The following ARHGEF28 variants were observed in gnomAD, a reference collection of about 807,000 sequenced individuals.
The protein encoded by ARHGEF28 is Rho guanine nucleotide exchange factor 28.
Under a neutral mutation model 206.6 loss-of-function variants are expected in ARHGEF28, and 152 were observed. The ratio of observed to expected loss-of-function variants is 0.74; its 90% CI spans 0.64 to 0.84. The LOEUF is 0.84. Among genes scored for constraint, ARHGEF28 ranks in the 40% least tolerant of loss-of-function variants. The pLI, the probability that ARHGEF28 is intolerant of heterozygous loss-of-function variation, is 0.00. For synonymous variants in ARHGEF28, 763 were observed against 776.4 expected, an observed-to-expected ratio of 0.98 and a Z score of 0.29; for missense variants, 2,028 against 2,073.2, an observed-to-expected ratio of 0.98 and a Z score of 0.42.
At chr5:73,677,120 T>C (rs1157276460) in intron 1 of ARHGEF28, among the ~76,000 whole-genome samples, 1 of 152,116 alleles carries the variant, frequency 6.6e-6, no homozygotes. Flanking sequence ...GATGCCAGCA[T>C]TGAGTGGAGT....
In ARHGEF28 at chr5:73,846,426, A is replaced by G. The variant is rs1337699279; in HGVS notation, c.1586A>G (p.Asn529Ser). 4.3e-6 allele frequency: 7 copies of G among 1,613,854 alleles called. No homozygotes were observed. The Admixed American group carries it at 5.0e-5, about 12-fold the overall frequency. Residue 529 changes from asparagine to serine, a missense_variant, in exon 12 of 36, where the codon AAT becomes AGT. Physicochemically the swap from Asn to Ser is conservative, Grantham distance 46. This residue lies in a region of ARHGEF28 where 1,002 missense variants were observed against 1,015.3 expected (regional missense o/e 0.99). Transcript: ENST00000513042. ...GAGACTAACACTGAACCGGATTTTA[A>G]TATCTCCAGGGCTGAATCCCTTCCT... ...SFETNTEPDF[N>S]ISRAESLPLS...
intron 1 of ARHGEF28, among the ~76,000 whole-genome samples, chr5:73,635,297 T>C (rs1048259888): frequency 6.6e-6 from 1 of 152,066 alleles, no homozygotes; most frequent in Non-Finnish European, 1.5e-5. Flanking sequence ...TGGGCCGAGA[T>C]CGCGTCATTG....
intron 2 of ARHGEF28, among the ~76,000 whole-genome samples, chr5:73,689,391 G>GGAGT (rs1300125441): frequency 2.0e-5 from 3 of 152,046 alleles, no homozygotes; most frequent in African/African-American, 4.8e-5. Flanking sequence ...TGCCCAGGCT[G>GGAGT]GAGTGCACTG....
chr5:73,689,886 T>A (rs1747707939), intron 2 of ARHGEF28, among the ~76,000 whole-genome samples: 1 of 152,118 alleles, frequency 6.6e-6, no homozygotes, highest in African/African-American at 2.4e-5. Context: ...CTGGAAAGAA[T>A]TGTGGTGGTG....
At chr5:73,904,164 A>G in intron 31 of ARHGEF28, 58 bp from the exon 32 acceptor site, 1 of 1,572,578 alleles carries the variant, frequency 6.4e-7, no homozygotes, top group Non-Finnish European at 8.8e-7. Context: ...GGGACACTGC[A>G]GGGCAGCTTT....
intron 1 of ARHGEF28, among the ~76,000 whole-genome samples, chr5:73,651,278 C>A (rs1744811390): frequency 6.6e-6 from 1 of 152,130 alleles, no homozygotes; most frequent in African/African-American, 2.4e-5. Context: ...TGACATTGGA[C>A]CCCAGTCTGT....
intron 2 of ARHGEF28, among the ~76,000 whole-genome samples, chr5:73,686,585 C>T (rs1211717292): frequency 6.8e-6 from 1 of 147,938 alleles, no homozygotes; most frequent in Non-Finnish European, 1.5e-5. Flanking sequence ...GTGGTGCGGT[C>T]TCGGCTCACT....
At chr5:73,931,902 C>G (rs1179740908) in intron 35 of ARHGEF28, among the ~76,000 whole-genome samples, 2 of 152,120 alleles carry the variant, frequency 1.3e-5, no homozygotes, top group East Asian at 1.9e-4. Context: ...TAGAACAATG[C>G]CTGGCATTTA....
chr5:73,735,679 ATCTGATTGTGT>A (rs1183136797), intron 2 of ARHGEF28, among the ~76,000 whole-genome samples: 1 of 152,138 alleles, frequency 6.6e-6, no homozygotes, highest in Non-Finnish European at 1.5e-5. Context: ...TAAAATGCAA[ATCTGATTGTGT>A]TACTCCCCTG....
intron 1 of ARHGEF28, among the ~76,000 whole-genome samples, chr5:73,682,822 C>T (rs1194234520): frequency 3.3e-5 from 5 of 152,212 alleles, no homozygotes; most frequent in Non-Finnish European, 5.9e-5. Flanking sequence ...GCACAAGAAT[C>T]GCCTGAACCT....
intron 35 of ARHGEF28, among the ~76,000 whole-genome samples, chr5:73,926,460 T>A (rs1360512606): frequency 1.3e-5 from 2 of 152,118 alleles, no homozygotes; most frequent in African/African-American, 2.4e-5. Flanking sequence ...AACACTCCCA[T>A]TCAAGACCCT....
intron 5 of ARHGEF28, among the ~76,000 whole-genome samples, chr5:73,776,150 G>C (rs561368757): frequency 2.6e-4 from 39 of 152,296 alleles, no homozygotes; most frequent in Middle Eastern, 6.8e-3. Context: ...CTGGCTGCCA[G>C]CTAATTTGTT....
At chr5:73,766,238 G>C (rs539491976) in intron 4 of ARHGEF28, among the ~76,000 whole-genome samples, 17 of 151,980 alleles carry the variant, frequency 1.1e-4, no homozygotes, top group African/African-American at 4.1e-4. Context: ...GCTCCACTCA[G>C]GTGTTGTGAA....
rs1352445788 is a variant in ARHGEF28 at position 73,936,124 on chromosome 5, AGGC to A, written c.4949-4719_4949-4717del. On this transcript the variant is annotated intron_variant, in intron 35 of 35. Coordinates refer to ENST00000513042, the MANE Select transcript of ARHGEF28 (RefSeq NM_001177693.2). Reference sequence around the variant, plus strand: ...TCTATTCAGCAGGAAATTCAGAAAAAGGCAAAGCCTACATTAATTACTTTTAAA... The same window carrying A: ...TCTATTCAGCAGGAAATTCAGAAAAAAAAGCCTACATTAATTACTTTTAAA... 2.6e-3 allele frequency among the ~76,000 whole-genome samples: 400 copies of A among 152,330 alleles called. 2 individuals carry two copies. Among genetic ancestry groups the A allele is most frequent in the African/African-American group, 9.3e-3 (386 of 41,570 alleles).
intron 2 of ARHGEF28, among the ~76,000 whole-genome samples, chr5:73,720,210 G>A (rs1338235571): frequency 1.3e-5 from 2 of 152,152 alleles, no homozygotes; most frequent in African/African-American, 2.4e-5. Context: ...TTGTAGAGAT[G>A]AATAATCATT....
intron 1 of ARHGEF28, among the ~76,000 whole-genome samples, chr5:73,644,612 G>A (rs186684897): frequency 9.8e-5 from 15 of 152,296 alleles, no homozygotes; most frequent in Middle Eastern, 3.4e-3. Context: ...AGATCTCCCA[G>A]GAGCTCCTTG....
In ARHGEF28 at chr5:73,785,281, G is replaced by A. The variant is rs558630531; in HGVS notation, c.910+4536G>A. Among the ~76,000 whole-genome samples, 10 of 152,232 alleles carry A rather than the reference G, an allele frequency of 6.6e-5. No individual in the cohort carries two copies. In the South Asian group the frequency reaches 2.1e-3, roughly 32 times the overall value. On this transcript the variant is annotated intron_variant, in intron 7 of 35. Transcript: ENST00000513042. ...CTATATAATCTTGTTTAACTTAGCA[G>A]TTCTCTAAATTAATGGATCACACGA...
chr5:73,925,203 A>C (rs1035284220), intron 35 of ARHGEF28, among the ~76,000 whole-genome samples: 4 of 152,110 alleles, frequency 2.6e-5, no homozygotes, highest in Admixed American at 6.5e-5. Flanking sequence ...CTCACCCTTT[A>C]TGAGGCACAG....
chr5:73,876,549 C>T (rs1391815123), intron 22 of ARHGEF28, among the ~76,000 whole-genome samples: 1 of 142,386 alleles, frequency 7.0e-6, no homozygotes, highest in South Asian at 2.3e-4. Flanking sequence ...ATGATATTGG[C>T]TGTGGGTTTG....
Sources: allele counts gnomAD v4.1 joint callset (sites outside exome capture counted in the v4.1 genomes callset), GRCh38; gene constraint gnomAD v4.1.1; regional missense constraint gnomAD v4.1.1; transcripts MANE v1.5; gene names NCBI Gene and HGNC (gene_info 2026-07-23, HGNC 2026-07-21).